ATG7: variants seen among roughly 807,000 people sequenced by gnomAD.
ATG7 encodes the protein autophagy related 7, also known as ubiquitin-like modifier-activating enzyme ATG7.
Under a neutral mutation model 82.4 loss-of-function variants are expected in ATG7, and 70 were observed. That is an observed-to-expected ratio of 0.85 (90% CI 0.70 to 1.04). The LOEUF (loss-of-function observed/expected upper bound fraction) is 1.04. Among genes scored for constraint, ATG7 ranks in the 50% least tolerant of loss-of-function variants. ATG7 has a pLI of 0.00. For missense variants in ATG7, 792 were observed against 864.3 expected, an observed-to-expected ratio of 0.92 and a Z score of 1.05; for synonymous variants, 287 against 313.0, an observed-to-expected ratio of 0.92 and a Z score of 0.88.
intron 6 of ATG7, 190 bp from the exon 7 acceptor site, chr3:11,308,794 G>GAGTGTGGCTGGGAGAGAGGC (rs1486268628): frequency 3.2e-6 from 2 of 616,238 alleles, no homozygotes; most frequent in African/African-American, 3.7e-5. Flanking sequence ...ATGTTGAAGG[G>GAGTGTGGCTGGGAGAGAGGC]AGTGTGGCTG....
chr3:11,362,848 T>G lies in ATG7; in HGVS notation c.1719T>G (p.Thr573=). The change falls in exon 17 of 21, where the codon ACT becomes ACG. Residue 573 remains threonine, a synonymous_variant. Transcript: ENST00000693202. The part of the protein sequence containing the change: ...TRDRTLDQQC[T]VSRPGLAVIA... ...ACCGGACCTTGGACCAGCAGTGCACTGTGAGTCGTCCAGGACTGGCCGTGA... is the reference window on the plus strand; with the variant it reads ...ACCGGACCTTGGACCAGCAGTGCACGGTGAGTCGTCCAGGACTGGCCGTGA... 1.2e-6 allele frequency: 2 copies of G among 1,614,046 alleles called. No homozygotes were observed. Among genetic ancestry groups the G allele is most frequent in the Non-Finnish European group, 1.7e-6 (2 of 1,179,932 alleles).
At chr3:11,396,688 A>G (rs889121030) in intron 19 of ATG7, among the ~76,000 whole-genome samples, 4 of 151,740 alleles carry the variant, frequency 2.6e-5, no homozygotes, top group Admixed American at 6.6e-5. Flanking sequence ...AGGCTGAAGC[A>G]GGAGAATCAC....
chr3:11,477,772 C>G (rs1373685426), intron 20 of ATG7, among the ~76,000 whole-genome samples: 1 of 152,204 alleles, frequency 6.6e-6, no homozygotes, highest in Non-Finnish European at 1.5e-5. Context: ...GGGCTAGGAA[C>G]TGGGAATCAG....
At chr3:11,370,610 C>T (rs948430632) in intron 18 of ATG7, among the ~76,000 whole-genome samples, 4 of 151,180 alleles carry the variant, frequency 2.6e-5, no homozygotes, top group Admixed American at 1.3e-4. Flanking sequence ...ACTGTGCTTT[C>T]TCAGAATGGC....
intron 14 of ATG7, among the ~76,000 whole-genome samples, chr3:11,355,569 A>C (rs373547057): frequency 6.6e-6 from 1 of 152,310 alleles, no homozygotes; most frequent in East Asian, 1.9e-4. Context: ...CAGGTACTTA[A>C]TTTATGGTGA....
At chr3:11,428,265 T>C (rs928067958) in intron 20 of ATG7, among the ~76,000 whole-genome samples, 1 of 152,224 alleles carries the variant, frequency 6.6e-6, no homozygotes, top group Non-Finnish European at 1.5e-5. Context: ...AATGAATAGA[T>C]GGCCAGGCCC....
intron 20 of ATG7, among the ~76,000 whole-genome samples, chr3:11,503,102 A>G (rs2091460155): frequency 6.6e-6 from 1 of 152,174 alleles, no homozygotes; most frequent in Admixed American, 6.5e-5. Flanking sequence ...CCTTCCAGGC[A>G]GGAGAGTGGG....
At chr3:11,317,540 C>T (rs189045546) in intron 9 of ATG7, among the ~76,000 whole-genome samples, 33 of 150,880 alleles carry the variant, frequency 2.2e-4, no homozygotes, top group Non-Finnish European at 3.5e-4. Flanking sequence ...CAAAGTCACA[C>T]GACCACATTG....
intron 20 of ATG7, among the ~76,000 whole-genome samples, chr3:11,527,800 T>A (rs569848316): frequency 6.6e-6 from 1 of 152,388 alleles, no homozygotes; most frequent in African/African-American, 2.4e-5. Context: ...GTTACAGTTA[T>A]ATAAGGCCTT....
Position 11,539,581 on chromosome 3 carries a change from C to T in ATG7, c.2080-15230C>T, listed in dbSNP as rs1252472118. Among the ~76,000 whole-genome samples the T allele has an allele frequency of 2.6e-5, 4 of 152,234 alleles. 1 individual carries two copies. Among genetic ancestry groups the T allele is most frequent in the African/African-American group, 7.2e-5 (3 of 41,544 alleles). On this transcript the variant is annotated intron_variant, in intron 20 of 20. Coordinates refer to ENST00000693202, the MANE Select transcript of ATG7 (RefSeq NM_001349232.2). ...GGAAGTGGGCCTGCTGGCGGGGGGT[C>T]GCCCACTTTCCACCTTTGGTGGTTC...
At chr3:11,319,256 T>G (rs187239978) in intron 9 of ATG7, among the ~76,000 whole-genome samples, 242 of 152,374 alleles carry the variant, frequency 1.6e-3, no homozygotes, top group Non-Finnish European at 2.5e-3. Context: ...TTTAGCATGA[T>G]TCCAGTTTCC....
chr3:11,378,296 C>T (rs931802289), intron 18 of ATG7, among the ~76,000 whole-genome samples: 1 of 150,936 alleles, frequency 6.6e-6, no homozygotes, highest in East Asian at 2.0e-4. Context: ...GGAGTACAGA[C>T]GTGAGCCACT....
chr3:11,482,485 A>C (rs1197007920), intron 20 of ATG7, among the ~76,000 whole-genome samples: 1 of 152,148 alleles, frequency 6.6e-6, no homozygotes, highest in African/African-American at 2.4e-5. Context: ...CCTTCAGTAG[A>C]ATGGAAAGTT....
rs544828799 is a variant in ATG7 at position 11,534,205 on chromosome 3, A to AGC, written c.2080-20605_2080-20604dup. Among the ~76,000 whole-genome samples the AGC allele has an allele frequency of 1.8e-4, 27 of 152,384 alleles. No homozygotes were observed. In the South Asian group the frequency reaches 5.4e-3, roughly 30 times the overall value. ...TGAGAAAGGAACTGGAGATTCCAGCAGCACCCTAGGTCTAGGAGTGAAAAG... is the reference window on the plus strand; with the variant it reads ...TGAGAAAGGAACTGGAGATTCCAGCAGCGCACCCTAGGTCTAGGAGTGAAAAG... On this transcript the variant is annotated intron_variant, in intron 20 of 20. Transcript: ENST00000693202.
intron 20 of ATG7, among the ~76,000 whole-genome samples, chr3:11,501,514 C>T (rs1201310397): frequency 8.3e-6 from 1 of 119,964 alleles, no homozygotes; most frequent in East Asian, 2.7e-4. Flanking sequence ...AATTTAAGTA[C>T]GGACTCCATA....
chr3:11,554,191 G>T (rs1397399050), intron 20 of ATG7, among the ~76,000 whole-genome samples: 1 of 152,246 alleles, frequency 6.6e-6, no homozygotes, highest in Non-Finnish European at 1.5e-5. Flanking sequence ...GCGAGGCTCA[G>T]ACTCGGAGGA....
downstream of ATG7, among the ~76,000 whole-genome samples, chr3:11,560,665 C>A (rs1325777555): frequency 6.6e-6 from 1 of 152,166 alleles, no homozygotes; most frequent in Non-Finnish European, 1.5e-5. Flanking sequence ...TTGGGTCTAA[C>A]AAGAAGCGAC....
At chr3:11,515,704 TCATACA>T (rs148373752) in intron 20 of ATG7, among the ~76,000 whole-genome samples, 8,432 of 152,248 alleles carry the variant, frequency 0.055, 326 homozygotes, top group African/African-American at 0.11. Context: ...TCTCTCTCTC[TCATACA>T]CATACACATC....
At chr3:11,381,107 T>G (rs1219139160) in intron 19 of ATG7, among the ~76,000 whole-genome samples, 2 of 152,232 alleles carry the variant, frequency 1.3e-5, no homozygotes, top group Non-Finnish European at 2.9e-5. Flanking sequence ...TAAGCCTGTT[T>G]TATTATGCAT....
Sources: allele counts gnomAD v4.1 joint callset (sites outside exome capture counted in the v4.1 genomes callset), GRCh38; gene constraint gnomAD v4.1.1; transcripts MANE v1.5; gene names NCBI Gene and HGNC (gene_info 2026-07-23, HGNC 2026-07-21).